The following MELTF variants were observed in gnomAD, a reference collection of about 807,000 sequenced individuals.
MELTF encodes melanotransferrin.
Under a neutral mutation model 83.7 loss-of-function variants are expected in MELTF, and 67 were observed. The ratio of observed to expected loss-of-function variants is 0.80; its 90% CI spans 0.66 to 0.98. The LOEUF (loss-of-function observed/expected upper bound fraction) is 0.98, where lower values mean the gene tolerates loss of function less well. Among genes scored for constraint, MELTF ranks in the 50% least tolerant of loss-of-function variants. The pLI is 0.00. For missense variants in MELTF, 1,002 were observed against 1,035.6 expected (o/e 0.97, Z 0.44); for synonymous variants, 462 against 447.6 (o/e 1.03, Z -0.41).
At position 197,008,682 on chromosome 3, in the gene MELTF, G is replaced by C; in HGVS notation, c.1725C>G (p.His575Gln). The C allele has an allele frequency of 6.2e-7, 1 of 1,614,108 alleles. No individual in the cohort carries two copies. ...CGTTTGTGTTGTCAAAGACGGTTGT[G>C]TGCCTGACGAAGGCAACGTCACCCG... ...ENAGDVAFVR[H>Q]TTVFDNTNGH... The change falls in exon 13 of 16, where the codon CAC (histidine) becomes CAG (glutamine). Residue 575 changes from histidine (H) to glutamine (Q), a missense_variant. By Grantham distance (24) the His-to-Gln change is conservative. Coordinates refer to ENST00000296350, the MANE Select transcript of MELTF (RefSeq NM_005929.6). The surrounding 1 kb of genome is among the most constrained non-coding windows in gnomAD (Gnocchi z 5.4).
At chr3:197,021,730 A>G (rs1053552662) in intron 5 of MELTF, among the ~76,000 whole-genome samples, 1 of 152,174 alleles carries the variant, frequency 6.6e-6, no homozygotes, top group Non-Finnish European at 1.5e-5. Context: ...GAGGCTCCTT[A>G]TAATCCAGTA....
rs189893874 is a variant in MELTF at position 197,015,353 on chromosome 3, C to T, written c.1233+12G>A. The T allele has an allele frequency of 2.8e-4, 437 of 1,547,832 alleles. 1 individual carries two copies. The highest frequency in any genetic ancestry group is 7.4e-4 in the South Asian group (62 of 83,972). On this transcript the variant is annotated intron_variant, in intron 9 of 15. Coordinates refer to ENST00000296350, the MANE Select transcript of MELTF (RefSeq NM_005929.6). ...GCCCACCTGGCCCACGCTGCACCTG[C>T]GTGACTCCCACCTGGATCCGCTCCA...
At position 197,029,780 on chromosome 3, in the gene MELTF, C is replaced by T; in HGVS notation, c.-78G>A. ...AGGTCCGCAGCAGCCGGGCTTCCTC[C>T]CTGCTCCCCCTCGCGCTGGCCCGAG... On this transcript the variant is annotated 5_prime_UTR_variant, in exon 1 of 16. Transcript: ENST00000296350. The surrounding 1 kb of genome is among the most constrained non-coding windows in gnomAD (Gnocchi z 6.5). The T allele has an allele frequency of 1.0e-6, 1 of 1,000,980 alleles. No individual in the cohort carries two copies. The allele number at this position is 1,000,980 out of a possible 1,614,324, so 62.0% of individuals were successfully genotyped here.
At chr3:197,005,795 G>A (rs1423114678) in intron 14 of MELTF, among the ~76,000 whole-genome samples, 1 of 93,804 alleles carries the variant, frequency 1.1e-5, no homozygotes, top group African/African-American at 5.2e-5. Context: ...AGCCTGTCTG[G>A]GGTAGTCTCC....
In MELTF at chr3:197,015,423, T is replaced by A; in HGVS notation, c.1175A>T (p.Lys392Met). 1 of 1,596,336 alleles carries A rather than the reference T, an allele frequency of 6.3e-7. No individual in the cohort carries two copies. The highest frequency in any genetic ancestry group is 1.3e-5 in the African/African-American group (1 of 74,642). Reference sequence around the variant, plus strand: ...GGCTGACACGCACTGGATCTCTGGCTTGAGCCGCTGCCGGCGGAAGGCCAC... The same window carrying A: ...GGCTGACACGCACTGGATCTCTGGCATGAGCCGCTGCCGGCGGAAGGCCAC... ...MAVAFRRQRL[K>M]PEIQCVSAKS... Residue 392 changes from lysine (K) to methionine (M), a missense_variant, in exon 9 of 16, where the codon AAG becomes ATG. Lys to Met is a moderately conservative substitution (Grantham distance 95). Coordinates refer to ENST00000296350, the MANE Select transcript of MELTF (RefSeq NM_005929.6).
rs552713957 is a variant in MELTF, at chr3:197,026,833, A to T, written c.205-74T>A. 818 of 1,413,870 alleles carry T rather than the reference A, an allele frequency of 5.8e-4. 1 individual carries two copies. The highest frequency in any genetic ancestry group is 7.6e-4 in the Non-Finnish European group (769 of 1,018,026). The allele number at this position is 1,413,870 out of a possible 1,614,324, so 87.6% of individuals were successfully genotyped here. A position where few individuals can be genotyped will look rare whatever the true frequency, so the allele number is the denominator to read the frequency against. On this transcript the variant is annotated intron_variant, in intron 2 of 15. Transcript: ENST00000296350. ...GCAAAGAACTCGGGACACCTACCAG[A>T]TGGCCTGGGGCCCCACCCCAAGCCC...
chr3:197,025,815 G>A (rs1382658812), intron 3 of MELTF: 2 of 152,436 alleles, frequency 1.3e-5, no homozygotes, highest in Non-Finnish European at 1.5e-5. Context: ...GAGTTCCAGA[G>A]GGTAGACACA....
intron 9 of MELTF, among the ~76,000 whole-genome samples, chr3:197,014,628 G>A (rs1420248932): frequency 6.6e-6 from 1 of 152,096 alleles, no homozygotes; most frequent in Non-Finnish European, 1.5e-5. Context: ...AACCTCAAGT[G>A]ATCCACCCAC....
Position 197,008,054 on chromosome 3 carries a change from G to A in MELTF, c.1750+603C>T, listed in dbSNP as rs1719041711. Reference sequence around the variant, plus strand: ...TCCTTCACGGAGAACAAGAAGAAGGGGAAGTGATATAAGTCAGGGGAGCGT... The same window carrying A: ...TCCTTCACGGAGAACAAGAAGAAGGAGAAGTGATATAAGTCAGGGGAGCGT... On this transcript the variant is annotated intron_variant, in intron 13 of 15. Coordinates refer to ENST00000296350, the MANE Select transcript of MELTF (RefSeq NM_005929.6). The surrounding 1 kb of genome is among the most constrained non-coding windows in gnomAD (Gnocchi z 5.4). Among the ~76,000 whole-genome samples, 1 of 152,184 alleles carries A rather than the reference G, an allele frequency of 6.6e-6. No homozygotes were observed. The highest frequency in any genetic ancestry group is 2.1e-4 in the South Asian group (1 of 4,832).
chr3:197,003,492 C>T lies in MELTF; in HGVS notation c.2138-41G>A, dbSNP rs1367480522. 2.1e-5 allele frequency: 16 copies of T among 751,244 alleles called. No individual in the cohort carries two copies. The African/African-American group carries it at 2.2e-4, about 10-fold the overall frequency. 46.5% of individuals were successfully genotyped at this position (751,244 alleles called of 1,614,324 possible). A position where few individuals can be genotyped will look rare whatever the true frequency, so the allele number is the denominator to read the frequency against. On this transcript the variant is annotated intron_variant, in intron 15 of 15. Coordinates refer to ENST00000296350, the MANE Select transcript of MELTF (RefSeq NM_005929.6). The surrounding 1 kb of genome is among the most constrained non-coding windows in gnomAD (Gnocchi z 6.2). The stretch of plus-strand genomic sequence containing the variant: ...GCGGGTCAGGCCCCGAAGCCCGGGC[C>T]GCGGTGGCCGCCTCAGGCGCCCGCT...
rs924950998 is a variant in MELTF at position 197,002,776 on chromosome 3, G to C, written c.*596C>G. ...AGGCAGGGCACGCGGCGTTCCCCGG[G>C]CTCGGCCTCCCTCCCAGCGCACGGG... On this transcript the variant is annotated 3_prime_UTR_variant, in exon 16 of 16. Transcript: ENST00000296350. The C allele has an allele frequency of 6.6e-6, 1 of 152,264 alleles. No homozygotes were observed. The highest frequency in any genetic ancestry group is 1.5e-5 in the Non-Finnish European group (1 of 68,096). 9.4% of individuals were successfully genotyped at this position (152,264 alleles called of 1,614,324 possible).
chr3:197,024,516 C>T lies in MELTF; in HGVS notation c.305-31G>A, dbSNP rs548877771. 1.4e-4 allele frequency: 211 copies of T among 1,539,454 alleles called. 3 individuals carry two copies. In the South Asian group the frequency reaches 2.4e-3, roughly 18 times the overall value. Reference sequence around the variant, plus strand: ...AGGGGAGGGGAGTGGGTGAGGGCAGCAGGGAGAGGCCTCGAGAGAGGCTGC... The same window carrying T: ...AGGGGAGGGGAGTGGGTGAGGGCAGTAGGGAGAGGCCTCGAGAGAGGCTGC... On this transcript the variant is annotated intron_variant, in intron 3 of 15. Transcript: ENST00000296350. The surrounding 1 kb of genome is among the most constrained non-coding windows in gnomAD (Gnocchi z 5.3).
intron 1 of MELTF, chr3:197,028,498 A>C (rs531204585): frequency 1.9e-5 from 3 of 153,954 alleles, no homozygotes; most frequent in Non-Finnish European, 4.4e-5. Flanking sequence ...GGGGAGGCTG[A>C]GGACCCATCA....
Position 197,006,412 on chromosome 3 carries a change from G to A in MELTF, c.1938+137C>T, listed in dbSNP as rs535383295. 32 of 727,848 alleles carry A rather than the reference G, an allele frequency of 4.4e-5. No individual in the cohort carries two copies. The highest frequency in any genetic ancestry group is 2.0e-4 in the African/African-American group (11 of 54,100). 45.1% of individuals were successfully genotyped at this position (727,848 alleles called of 1,614,324 possible). A position where few individuals can be genotyped will look rare whatever the true frequency, so the allele number is the denominator to read the frequency against. On this transcript the variant is annotated intron_variant, in intron 14 of 15. Transcript: ENST00000296350. The surrounding 1 kb of genome is among the most constrained non-coding windows in gnomAD (Gnocchi z 5.4). ...ACAGTTTCTGGAGGGATGTCCTTGC[G>A]TAAGTGAAAATCACAGAATTTCCCC... is the stretch of plus-strand genomic sequence containing the variant.
intron 8 of MELTF, among the ~76,000 whole-genome samples, chr3:197,015,877 C>T (rs755500157): frequency 2.6e-5 from 4 of 152,088 alleles, no homozygotes; most frequent in South Asian, 2.1e-4. Context: ...GGAGTAGGAG[C>T]GAGAGGCTGT....
rs778248635 is a variant in MELTF, at chr3:197,009,711, C to G, written c.1432G>C (p.Ala478Pro). 1 of 1,613,590 alleles carries G rather than the reference C, an allele frequency of 6.2e-7. No homozygotes were observed. The highest frequency in any genetic ancestry group is 1.3e-5 in the African/African-American group (1 of 74,946). The part of the protein sequence containing the change: ...DELRGKRSCH[A>P]GFGSPAGWDV... ...CAGCCTGCAGGGCTGCCGAAACCGG[C>G]GTGGCAGGAGCGCTTGCCCCGAAGC... Residue 478 changes from alanine (A) to proline (P), a missense_variant, in exon 11 of 16, where the codon GCC (alanine) becomes CCC (proline). Transcript: ENST00000296350.
At position 197,006,951 on chromosome 3, in the gene MELTF, TAGC is replaced by T. The variant is rs1432771450; in HGVS notation, c.1751-218_1751-216del. 6.6e-6 allele frequency among the ~76,000 whole-genome samples: 1 copy of T among 152,172 alleles called. No homozygotes were observed. Among genetic ancestry groups the T allele is most frequent in the African/African-American group, 2.4e-5 (1 of 41,442 alleles). ...GCCATTAGCAGGAGCTGCCATTAAT[TAGC>T]AGGGAGTAGGGAGTACCTACTATGT... is the stretch of plus-strand genomic sequence containing the variant. On this transcript the variant is annotated intron_variant, in intron 13 of 15. Coordinates refer to ENST00000296350, the MANE Select transcript of MELTF (RefSeq NM_005929.6). This position sits in a 1 kb window ranked among gnomAD's most constrained non-coding sequence, Gnocchi z 5.4.
Position 197,009,718 on chromosome 3 carries a change from G to A in MELTF, c.1425C>T (p.Ser475=), listed in dbSNP as rs1719117125. The A allele has an allele frequency of 1.2e-6, 2 of 1,613,566 alleles. No homozygotes were observed. Among genetic ancestry groups the A allele is most frequent in the Non-Finnish European group, 1.7e-6 (2 of 1,180,050 alleles). Residue 475 remains serine, a synonymous_variant, in exon 11 of 16, where the codon TCC becomes TCT. Coordinates refer to ENST00000296350, the MANE Select transcript of MELTF (RefSeq NM_005929.6). ...FTLDELRGKR[S]CHAGFGSPAG... is the part of the protein sequence containing the mutation. ...CAGGGCTGCCGAAACCGGCGTGGCA[G>A]GAGCGCTTGCCCCGAAGCTCATCCA... is the stretch of plus-strand genomic sequence containing the variant.
rs1201159976 is a variant in MELTF at position 197,011,621 on chromosome 3, C to T, written c.1234-827G>A. On this transcript the variant is annotated intron_variant, in intron 9 of 15. Transcript: ENST00000296350. This position sits in a 1 kb window ranked among gnomAD's most constrained non-coding sequence, Gnocchi z 4.2. The stretch of plus-strand genomic sequence containing the variant: ...TGATATTTGGGGCCAGGAGGGTGCA[C>T]AGCTCGGGGCCCTTTTTCCACCACT... 6.6e-6 allele frequency among the ~76,000 whole-genome samples: 1 copy of T among 152,126 alleles called. No homozygotes were observed. The highest frequency in any genetic ancestry group is 2.4e-5 in the African/African-American group (1 of 41,412).
Sources: allele counts gnomAD v4.1 joint callset (sites outside exome capture counted in the v4.1 genomes callset), GRCh38; gene constraint gnomAD v4.1.1; non-coding constraint Gnocchi (gnomAD v3.1); transcripts MANE v1.5; gene names NCBI Gene and HGNC (gene_info 2026-07-23, HGNC 2026-07-21).